Variants in ZNF536 observed in about 807,000 individuals in gnomAD.
ZNF536 encodes the protein zinc finger protein 536.
A neutral mutation model predicts 84.5 loss-of-function variants in ZNF536; 13 were observed. The observed-to-expected ratio is 0.15, with a 90% CI of 0.10 to 0.24. The LOEUF is 0.24. Ranked by LOEUF, ZNF536 falls within the 10% of genes least tolerant of loss-of-function variation. The pLI is 1.00. For missense variants in ZNF536, 1,536 were observed against 1,747.5 expected, an observed-to-expected ratio of 0.88 and a Z score of 2.16; for synonymous variants, 811 against 742.5, an observed-to-expected ratio of 1.09 and a Z score of -1.50.
chr19:30,533,363 A>G (rs1288078025), intron 2 of ZNF536, among the ~76,000 whole-genome samples: 2 of 152,152 alleles, frequency 1.3e-5, no homozygotes, highest in African/African-American at 4.8e-5. Context: ...TGTGCAAAAA[A>G]TAGAAACTTA....
chr19:30,491,074 G>T lies in ZNF536; in HGVS notation c.2171-43773G>T, dbSNP rs116054976. 6.9e-3 allele frequency among the ~76,000 whole-genome samples: 1,051 copies of T among 152,246 alleles called. 13 individuals carry two copies. Among genetic ancestry groups the T allele is most frequent in the African/African-American group, 0.024 (1,009 of 41,546 alleles). The stretch of plus-strand genomic sequence containing the variant: ...AACTATGGCTCCAGTGTCTACCAAG[G>T]CCTGTCCAAGGACCTTGGTTGATGT... On this transcript the variant is annotated intron_variant, in intron 2 of 4. Transcript: ENST00000355537.
intron 1 of ZNF536, among the ~76,000 whole-genome samples, chr19:30,608,855 G>A: frequency 6.6e-6 from 1 of 152,192 alleles, no homozygotes; most frequent in East Asian, 1.9e-4. Flanking sequence ...TAAGGAGTGG[G>A]CATGGGAATC....
chr19:30,376,076 T>G (rs1328770322), intron 1 of ZNF536, among the ~76,000 whole-genome samples: 1 of 152,128 alleles, frequency 6.6e-6, no homozygotes, highest in African/African-American at 2.4e-5. Context: ...TGTGTGTGCT[T>G]GATGTCTTGA....
At chr19:30,593,162 G>A (rs1215340584) in intron 1 of ZNF536, among the ~76,000 whole-genome samples, 13 of 152,108 alleles carry the variant, frequency 8.5e-5, no homozygotes, top group Admixed American at 8.5e-4. Context: ...ACCTCGCTCC[G>A]GCCTCTTTCT....
rs560570234 is a variant in ZNF536 at position 30,376,766 on chromosome 19, C to T, written c.-3+4210C>T. Among the ~76,000 whole-genome samples, 24 of 152,360 alleles carry T rather than the reference C, an allele frequency of 1.6e-4. 1 individual carries two copies. In the South Asian group the frequency reaches 5.0e-3, roughly 32 times the overall value. On this transcript the variant is annotated intron_variant, in intron 1 of 4. Coordinates refer to ENST00000355537, the MANE Select transcript of ZNF536 (RefSeq NM_014717.3). ...ACACTACCCAGCCAGTATTCCCATT[C>T]AGTCACTCACATTGTCCAGTTGACT...
intron 1 of ZNF536, among the ~76,000 whole-genome samples, chr19:30,229,262 G>C (rs1251780986): frequency 6.6e-6 from 1 of 151,894 alleles, no homozygotes; most frequent in Admixed American, 6.6e-5. Flanking sequence ...GGAGAGTGCA[G>C]ACCTTCTTTG....
chr19:30,489,506 C>T (rs1203012790), intron 2 of ZNF536, among the ~76,000 whole-genome samples: 2 of 151,994 alleles, frequency 1.3e-5, no homozygotes, highest in Non-Finnish European at 2.9e-5. Context: ...CGCTTGAGCC[C>T]GGGAGGTCCA....
intron 2 of ZNF536, among the ~76,000 whole-genome samples, chr19:30,318,427 A>G (rs1305534309): frequency 6.6e-6 from 1 of 152,288 alleles, no homozygotes; most frequent in East Asian, 1.9e-4. Context: ...GGGCGGGCAG[A>G]TGCCTTTGCA....
rs560805051 is a variant in ZNF536 at position 30,451,825 on chromosome 19, C to T, written c.2170+6093C>T. Among the ~76,000 whole-genome samples, 285 of 152,294 alleles carry T rather than the reference C, an allele frequency of 1.9e-3. 1 individual carries two copies. Among genetic ancestry groups the T allele is most frequent in the Middle Eastern group, 3.4e-3 (1 of 294 alleles). On this transcript the variant is annotated intron_variant, in intron 2 of 4. Coordinates refer to ENST00000355537, the MANE Select transcript of ZNF536 (RefSeq NM_014717.3). Reference sequence around the variant, plus strand: ...CTTCTGAGGAGCTCCATGAAGCTCTCCTCCCTATGCATGTTAGCGCAAGGG... The same window carrying T: ...CTTCTGAGGAGCTCCATGAAGCTCTTCTCCCTATGCATGTTAGCGCAAGGG...
At chr19:30,305,395 A>T (rs1188260882) in intron 2 of ZNF536, among the ~76,000 whole-genome samples, 1 of 152,154 alleles carries the variant, frequency 6.6e-6, no homozygotes, top group Non-Finnish European at 1.5e-5. Context: ...TTCACTGTGT[A>T]TGGGGAGGGG....
chr19:30,302,338 T>G (rs1417088823), intron 2 of ZNF536, among the ~76,000 whole-genome samples: 2 of 152,188 alleles, frequency 1.3e-5, no homozygotes, highest in Non-Finnish European at 2.9e-5. Context: ...CTGGGCATCC[T>G]GGGCCTGCTG....
At chr19:30,327,580 T>G (rs2047080659) in intron 2 of ZNF536, among the ~76,000 whole-genome samples, 1 of 152,218 alleles carries the variant, frequency 6.6e-6, no homozygotes, top group Non-Finnish European at 1.5e-5. Context: ...TAATTGTTCC[T>G]GCGAACCCTT....
intron 2 of ZNF536, among the ~76,000 whole-genome samples, chr19:30,287,553 G>A (rs1045132605): frequency 6.7e-6 from 1 of 149,666 alleles, no homozygotes; most frequent in Non-Finnish European, 1.5e-5. Context: ...TGGATGGGTA[G>A]ATAGATGAAT....
chr19:30,505,675 T>C (rs1014999020), intron 2 of ZNF536, among the ~76,000 whole-genome samples: 2 of 152,164 alleles, frequency 1.3e-5, no homozygotes, highest in Non-Finnish European at 2.9e-5. Context: ...CATAAGTCTG[T>C]ATGTTTTTGA....
At chr19:30,285,371 G>A (rs1338964638) in intron 2 of ZNF536, among the ~76,000 whole-genome samples, 1 of 152,132 alleles carries the variant, frequency 6.6e-6, no homozygotes, top group East Asian at 1.9e-4. Context: ...CAGGAGAAAG[G>A]TCCAACCATC....
At chr19:30,350,674 T>A (rs1327333848) in intron 2 of ZNF536, among the ~76,000 whole-genome samples, 1 of 152,234 alleles carries the variant, frequency 6.6e-6, no homozygotes, top group East Asian at 1.9e-4. Flanking sequence ...AATTGATTGT[T>A]GTGGCAGGAG....
rs541305581 is a variant in ZNF536, at chr19:30,317,951, C to T, written c.-120+33810C>T. On this transcript the variant is annotated intron_variant, in intron 2 of 5. Transcript: ENST00000585628. ...TATTTGCTTTCTAGAAGCAATGTTA[C>T]GCAAAATGCCTACGCTGCAGGCTAA... Among the ~76,000 whole-genome samples, 23 of 152,288 alleles carry T rather than the reference C, an allele frequency of 1.5e-4. No homozygotes were observed. In the South Asian group the frequency reaches 4.6e-3, roughly 30 times the overall value.
At chr19:30,308,197 T>C (rs145341819) in intron 2 of ZNF536, among the ~76,000 whole-genome samples, 70 of 152,208 alleles carry the variant, frequency 4.6e-4, no homozygotes, top group African/African-American at 1.7e-3. Flanking sequence ...TCTGCTGTGT[T>C]TCAGGGACAG....
chr19:30,710,411 G>A (rs756727074), intron 1 of ZNF536, among the ~76,000 whole-genome samples: 1 of 152,126 alleles, frequency 6.6e-6, no homozygotes, highest in African/African-American at 2.4e-5. Context: ...GCATTGTGGT[G>A]TACCTGTAGT....
Sources: gnomAD v4.1 joint callset for allele counts (sites outside exome capture counted in the v4.1 genomes callset) on GRCh38, gnomAD v4.1.1 for gene constraint, MANE v1.5 for transcripts, NCBI Gene and HGNC (gene_info 2026-07-23, HGNC 2026-07-21) for gene names.